Variants in SCTR observed in about 807,000 individuals in gnomAD.
SCTR encodes pancreatic secretin receptor.
A neutral mutation model predicts 60.8 loss-of-function variants in SCTR; 56 were observed. The observed-to-expected ratio is 0.92, with a 90% CI of 0.74 to 1.15. The LOEUF is 1.15. SCTR is among the 50% of genes most tolerant of loss of function. The pLI is 0.00. For missense variants in SCTR, 562 were observed against 550.4 expected (o/e 1.02, Z -0.21); for synonymous variants, 202 against 217.0 (o/e 0.93, Z 0.61).
intron 2 of SCTR, among the ~76,000 whole-genome samples, chr2:119,489,338 G>T (rs1678025284): frequency 6.6e-6 from 1 of 152,140 alleles, no homozygotes; most frequent in Non-Finnish European, 1.5e-5. Flanking sequence ...TCTCCTTGGG[G>T]CCAGCTGTCT....
intron 3 of SCTR, among the ~76,000 whole-genome samples, chr2:119,478,110 C>T (rs1304352942): frequency 6.6e-6 from 1 of 152,194 alleles, no homozygotes; most frequent in Non-Finnish European, 1.5e-5. Flanking sequence ...CATCTGGCAG[C>T]TTTGCTGTCC....
chr2:119,453,493 T>A (rs902462769), intron 7 of SCTR, 146 bp from the exon 8 acceptor site: 8 of 673,362 alleles, frequency 1.2e-5, no homozygotes, highest in Non-Finnish European at 2.1e-5. Flanking sequence ...TGCCATCTTG[T>A]GCCATCTTGT....
intron 1 of SCTR, among the ~76,000 whole-genome samples, chr2:119,505,836 C>T (rs1678723690): frequency 6.6e-6 from 1 of 151,924 alleles, no homozygotes; most frequent in African/African-American, 2.4e-5. Context: ...TGCACACGTA[C>T]CCTAAAACTT....
intron 6 of SCTR, among the ~76,000 whole-genome samples, chr2:119,463,681 T>G (rs1206658973): frequency 6.6e-6 from 1 of 152,186 alleles, no homozygotes; most frequent in Non-Finnish European, 1.5e-5. Context: ...GAAAGGGGGT[T>G]AGATTTAAGA....
intron 11 of SCTR, among the ~76,000 whole-genome samples, chr2:119,444,518 C>T (rs1202149392): frequency 1.6e-5 from 1 of 63,610 alleles, no homozygotes; most frequent in African/African-American, 1.0e-4. Context: ...TATATATACA[C>T]ATATATACGT....
intron 2 of SCTR, among the ~76,000 whole-genome samples, chr2:119,482,631 A>T (rs1005892389): frequency 1.3e-5 from 2 of 152,088 alleles, no homozygotes; most frequent in Non-Finnish European, 2.9e-5. Flanking sequence ...CTCCCCAGGG[A>T]CGGCTCCGCC....
intron 12 of SCTR, 58 bp from the exon 13 acceptor site, chr2:119,440,315 C>T: frequency 6.4e-7 from 1 of 1,564,024 alleles, no homozygotes; most frequent in Non-Finnish European, 8.7e-7. Context: ...GCCTGGAGCC[C>T]TGCTCACTCC....
chr2:119,470,314 C>A (rs904403752), intron 4 of SCTR, among the ~76,000 whole-genome samples: 1 of 152,116 alleles, frequency 6.6e-6, no homozygotes, highest in African/African-American at 2.4e-5. Flanking sequence ...CTAATACATA[C>A]CTTCACCCTC....
intron 6 of SCTR, among the ~76,000 whole-genome samples, chr2:119,463,094 A>G (rs1336238115): frequency 6.6e-6 from 1 of 151,942 alleles, no homozygotes; most frequent in Non-Finnish European, 1.5e-5. Flanking sequence ...CACAACTCTG[A>G]ACAATACAAA....
chr2:119,480,227 G>A (rs1430347954), intron 2 of SCTR, among the ~76,000 whole-genome samples: 1 of 152,186 alleles, frequency 6.6e-6, no homozygotes, highest in Non-Finnish European at 1.5e-5. Flanking sequence ...ACCTGAGACT[G>A]GGTAATTATG....
chr2:119,444,276 C>CACATATAT (rs1682787245), intron 11 of SCTR, among the ~76,000 whole-genome samples: 1 of 53,910 alleles, frequency 1.9e-5, no homozygotes, highest in African/African-American at 5.7e-5. Context: ...TACATATATA[C>CACATATAT]ATATGAATAT....
rs6726491 is a variant in SCTR, at chr2:119,473,530, C to T, written c.328G>A (p.Asp110Asn). 1.9e-3 allele frequency: 2,997 copies of T among 1,614,022 alleles called. 60 individuals are homozygous for T. In the African/African-American group the frequency reaches 0.036, roughly 20 times the overall value. ...NGSLFRNCTQ[D>N]GWSETFPRPN... ...CTGGGGAAGGTTTCTGACCAGCCAT[C>T]CTGTGTGCAGTTTCGGAACAAGGAA... Residue 110 changes from aspartate (D) to asparagine (N), a missense_variant, in exon 4 of 13, where the codon GAT becomes AAT. Physicochemically the swap from Asp to Asn is conservative, Grantham distance 23. Coordinates refer to ENST00000019103, the MANE Select transcript of SCTR (RefSeq NM_002980.3).
At chr2:119,506,502 G>A (rs941233958) in intron 1 of SCTR, among the ~76,000 whole-genome samples, 1 of 118,180 alleles carries the variant, frequency 8.5e-6, no homozygotes, top group African/African-American at 3.2e-5. Flanking sequence ...ATCTTTTAGA[G>A]ACAGGGTCTC....
At position 119,474,067 on chromosome 2, in the gene SCTR, G is replaced by A. The variant is rs577709764; in HGVS notation, c.302-511C>T. On this transcript the variant is annotated intron_variant, in intron 3 of 12. Coordinates refer to ENST00000019103, the MANE Select transcript of SCTR (RefSeq NM_002980.3). ...CTCACGGAAGGGTGGAGGGTCCTTCGGCCACGACCTGTAGGCCACCCCTCT... is the reference window on the plus strand; with the variant it reads ...CTCACGGAAGGGTGGAGGGTCCTTCAGCCACGACCTGTAGGCCACCCCTCT... Among the ~76,000 whole-genome samples, 9 of 152,272 alleles carry A rather than the reference G, an allele frequency of 5.9e-5. No homozygotes were observed. In the South Asian group the frequency reaches 6.2e-4, roughly 11 times the overall value.
intron 2 of SCTR, among the ~76,000 whole-genome samples, chr2:119,485,073 A>G (rs1250423900): frequency 1.3e-5 from 2 of 152,204 alleles, no homozygotes; most frequent in African/African-American, 4.8e-5. Context: ...GGGCTCTGCC[A>G]GTCACCACCT....
At chr2:119,496,446 A>G (rs181588326) in intron 1 of SCTR, among the ~76,000 whole-genome samples, 2 of 152,292 alleles carry the variant, frequency 1.3e-5, no homozygotes, top group African/African-American at 4.8e-5. Flanking sequence ...TATAATATAG[A>G]AAAAAAAGAC....
chr2:119,487,888 C>T (rs959636289), intron 2 of SCTR, among the ~76,000 whole-genome samples: 1 of 152,116 alleles, frequency 6.6e-6, no homozygotes, highest in African/African-American at 2.4e-5. Context: ...GCACCCTCAA[C>T]GGAGAGCCCC....
Position 119,513,645 on chromosome 2 carries a change from G to T in SCTR, c.72+10510C>A, listed in dbSNP as rs570523130. ...ACCACAAACGTTTTGTATAACTTTT[G>T]TCTTTTCCTAGAATTTTAAATCCAC... On this transcript the variant is annotated intron_variant, in intron 1 of 12. Coordinates refer to ENST00000019103, the MANE Select transcript of SCTR (RefSeq NM_002980.3). 3.9e-5 allele frequency among the ~76,000 whole-genome samples: 6 copies of T among 152,218 alleles called. No individual in the cohort carries two copies. In the East Asian group the frequency reaches 5.8e-4, roughly 15 times the overall value.
chr2:119,509,256 G>C (rs575523614), intron 1 of SCTR, among the ~76,000 whole-genome samples: 3 of 152,114 alleles, frequency 2.0e-5, no homozygotes, highest in Non-Finnish European at 4.4e-5. Context: ...GCCCAGCCTG[G>C]ATCAATCACA....
Sources: gnomAD v4.1 joint callset for allele counts (sites outside exome capture counted in the v4.1 genomes callset) on GRCh38, gnomAD v4.1.1 for gene constraint, MANE v1.5 for transcripts, NCBI Gene and HGNC (gene_info 2026-07-23, HGNC 2026-07-21) for gene names.